Variants in TANGO2 observed in about 807,000 individuals in gnomAD.
TANGO2 encodes the protein transport and golgi organization 2 homolog.
TANGO2 carries 26 observed loss-of-function variants against 39.1 expected under a neutral mutation model. The ratio of observed to expected loss-of-function variants is 0.67; its 90% CI spans 0.49 to 0.92. TANGO2 has a LOEUF of 0.92. Ranked by LOEUF, TANGO2 falls within the 40% of genes least tolerant of loss-of-function variation. The probability of loss-of-function intolerance (pLI) is 0.00; values close to 1 mark genes in which losing one functional copy is unlikely to be tolerated. For synonymous variants in TANGO2, 131 were observed against 144.5 expected, an observed-to-expected ratio of 0.91 and a Z score of 0.67; for missense variants, 326 against 360.1, an observed-to-expected ratio of 0.91 and a Z score of 0.77.
At chr22:20,043,582 G>T in intron 3 of TANGO2, 139 bp downstream of exon 3, 1 of 615,004 alleles carries the variant, frequency 1.6e-6, no homozygotes, top group Non-Finnish European at 2.9e-6. Flanking sequence ...GGGGCTCGTG[G>T]TCGGGGCCAG....
At position 20,061,219 on chromosome 22, in the gene TANGO2, G is replaced by A. The variant is rs529423819; in HGVS notation, c.452-311G>A. On this transcript the variant is annotated intron_variant, in intron 6 of 8. Transcript: ENST00000327374. ...GAGGTGAAGAGGTTCCCTCTTGGCT[G>A]TCCCCTTTGCCTGTGAGATCTCAGG... is the stretch of plus-strand genomic sequence containing the variant. 39 of 242,480 alleles carry A rather than the reference G, an allele frequency of 1.6e-4. No individual in the cohort carries two copies. The East Asian group carries it at 3.3e-3, about 21-fold the overall frequency. 15.0% of individuals were successfully genotyped at this position (242,480 alleles called of 1,614,324 possible).
At chr22:20,055,657 T>TG (rs1174966986) in intron 5 of TANGO2, 1 of 508,768 alleles carries the variant, frequency 2.0e-6, no homozygotes, top group East Asian at 3.5e-5. Context: ...GTCCATGCCA[T>TG]GGGGCATTCG....
chr22:20,020,475 G>A (rs1186544239), upstream of TANGO2, among the ~76,000 whole-genome samples: 1 of 151,480 alleles, frequency 6.6e-6, no homozygotes, highest in Non-Finnish European at 1.5e-5. Context: ...CGTCGCTGGG[G>A]CCTGGACCTG....
intron 2 of TANGO2, 70 bp from the exon 3 acceptor site, chr22:20,043,285 T>C (rs2044335543): frequency 8.4e-7 from 1 of 1,186,524 alleles, no homozygotes; most frequent in Admixed American, 1.8e-5. Flanking sequence ...CAGTTTTGTG[T>C]GTGAAAAGAG....
At chr22:20,052,087 C>A (rs955102969) in intron 3 of TANGO2, among the ~76,000 whole-genome samples, 5 of 152,180 alleles carry the variant, frequency 3.3e-5, no homozygotes, top group African/African-American at 1.2e-4. Flanking sequence ...CTGGTGCATC[C>A]TGCTGGGTGA....
intron 1 of TANGO2, among the ~76,000 whole-genome samples, chr22:20,033,847 T>C (rs1198535500): frequency 6.6e-6 from 1 of 152,252 alleles, no homozygotes; most frequent in South Asian, 2.1e-4. Context: ...ACCTGATTGC[T>C]CTTAAACCCA....
rs1487849920 is a variant in TANGO2 at position 20,064,747 on chromosome 22, T to A, written c.*85T>A. On this transcript the variant is annotated 3_prime_UTR_variant, in exon 9 of 9. Transcript: ENST00000327374. ...GACAGGAAACCTTCCTTTGCCATACTGCATTGCACTGCCCGTGGCTTGGCC... is the reference window on the plus strand; with the variant it reads ...GACAGGAAACCTTCCTTTGCCATACAGCATTGCACTGCCCGTGGCTTGGCC... 7.8e-6 allele frequency: 12 copies of A among 1,529,980 alleles called. No homozygotes were observed. The highest frequency in any genetic ancestry group is 1.1e-5 in the Non-Finnish European group (12 of 1,128,296). 94.8% of individuals were successfully genotyped at this position (1,529,980 alleles called of 1,614,324 possible).
chr22:20,051,267 C>T (rs1186700277), intron 3 of TANGO2, among the ~76,000 whole-genome samples: 2 of 151,910 alleles, frequency 1.3e-5, no homozygotes, highest in Non-Finnish European at 2.9e-5. Context: ...CACGGTGGCT[C>T]ACACCTGTAA....
intron 3 of TANGO2, among the ~76,000 whole-genome samples, chr22:20,043,984 A>G (rs765075136): frequency 5.9e-5 from 9 of 152,134 alleles, no homozygotes. Context: ...GGTGAGAACC[A>G]GGTCCTCCCC....
At chr22:20,048,427 A>C (rs187319310) in intron 3 of TANGO2, 2 of 152,326 alleles carry the variant, frequency 1.3e-5, no homozygotes, top group Admixed American at 1.3e-4. Flanking sequence ...TAGCAGCATG[A>C]GAATGGACTA....
intron 3 of TANGO2, chr22:20,048,167 C>T (rs368880): frequency 0.22 from 33,709 of 152,118 alleles, 4,473 homozygotes; most frequent in East Asian, 0.58. Context: ...TCAGGTGATC[C>T]GCCTGCCTCG....
At chr22:20,042,963 G>A (rs1162343257) in intron 2 of TANGO2, among the ~76,000 whole-genome samples, 3 of 152,062 alleles carry the variant, frequency 2.0e-5, no homozygotes, top group Non-Finnish European at 2.9e-5. Flanking sequence ...AAGAGCCCAC[G>A]GGTTTGTTGT....
At chr22:20,063,814 A>G (rs1407771780) in intron 8 of TANGO2, among the ~76,000 whole-genome samples, 1 of 152,212 alleles carries the variant, frequency 6.6e-6, no homozygotes, top group East Asian at 1.9e-4. Context: ...GCCCATTGGC[A>G]GGTGCAGGGT....
chr22:20,060,458 T>G (rs1426521672), intron 6 of TANGO2, among the ~76,000 whole-genome samples: 2 of 152,036 alleles, frequency 1.3e-5, no homozygotes, highest in East Asian at 3.9e-4. Context: ...GGCCTCACTA[T>G]TTTGCTATTT....
chr22:20,033,318 A>T (rs1447321978), intron 1 of TANGO2: 1 of 433,964 alleles, frequency 2.3e-6, no homozygotes, highest in Admixed American at 2.9e-5. Context: ...CCCTTGGACC[A>T]TGGAGCCCTC....
chr22:20,028,478 G>A (rs2041216503), intron 1 of TANGO2, among the ~76,000 whole-genome samples: 1 of 152,222 alleles, frequency 6.6e-6, no homozygotes. Context: ...GGTGACCTGA[G>A]CGATGGTATT....
At chr22:20,032,045 TTGAGA>T (rs2041966620) in intron 1 of TANGO2, among the ~76,000 whole-genome samples, 2 of 152,194 alleles carry the variant, frequency 1.3e-5, no homozygotes, top group Admixed American at 1.3e-4. Flanking sequence ...CCTGGGACTC[TTGAGA>T]TGAGATCACA....
intron 5 of TANGO2, chr22:20,054,049 C>T (rs114800942): frequency 3.4e-5 from 10 of 292,658 alleles, no homozygotes; most frequent in Non-Finnish European, 4.7e-5. Flanking sequence ...GCTGTTAGTC[C>T]GGGGCCTTCT....
chr22:20,023,460 T>C (rs1293570021), intron 1 of TANGO2, among the ~76,000 whole-genome samples: 1 of 152,198 alleles, frequency 6.6e-6, no homozygotes, highest in South Asian at 2.1e-4. Flanking sequence ...GTTTGTGCTA[T>C]TCCTTGGAAC....
Sources: gnomAD v4.1 joint callset for allele counts (sites outside exome capture counted in the v4.1 genomes callset) on GRCh38, gnomAD v4.1.1 for gene constraint, MANE v1.5 for transcripts, NCBI Gene and HGNC (gene_info 2026-07-23, HGNC 2026-07-21) for gene names.